SRGAP1: variants seen among roughly 807,000 people sequenced by gnomAD.
The protein encoded by SRGAP1 is SLIT-ROBO Rho GTPase activating protein 1, also known as SLIT-ROBO Rho GTPase-activating protein 1.
In SRGAP1, 43 loss-of-function variants were observed where a neutral mutation model predicts 121.9. The ratio of observed to expected loss-of-function variants is 0.35; its 90% confidence interval spans 0.28 to 0.46. The LOEUF (loss-of-function observed/expected upper bound fraction) is 0.46. SRGAP1 is among the 20% of genes least tolerant of loss of function. SRGAP1 has a pLI of 1.00. For synonymous variants in SRGAP1, 447 were observed against 485.4 expected, an observed-to-expected ratio of 0.92 and a Z score of 1.04; for missense variants, 1,102 against 1,350.9, an observed-to-expected ratio of 0.82 and a Z score of 2.89.
At chr12:64,002,607 A>C (rs2033935232) in intron 3 of SRGAP1, among the ~76,000 whole-genome samples, 1 of 152,210 alleles carries the variant, frequency 6.6e-6, no homozygotes. Context: ...AATGGGACTA[A>C]TCCTAGACAG....
At chr12:64,142,184 G>T in intron 21 of SRGAP1, 111 bp from the exon 22 acceptor site, 1 of 1,080,872 alleles carries the variant, frequency 9.3e-7, no homozygotes, top group Non-Finnish European at 1.3e-6. Context: ...TGGAGTCAAA[G>T]ATATCCATAC....
At chr12:64,124,161 C>G (rs2036651477) in intron 18 of SRGAP1, among the ~76,000 whole-genome samples, 1 of 152,122 alleles carries the variant, frequency 6.6e-6, no homozygotes. Context: ...AAGGTGAAGC[C>G]TAAGCTTTTT....
chr12:63,869,690 T>A (rs1208467822), intron 1 of SRGAP1, among the ~76,000 whole-genome samples: 1 of 152,240 alleles, frequency 6.6e-6, no homozygotes, highest in Non-Finnish European at 1.5e-5. Context: ...AAGCTTGGGT[T>A]TATGCTGATA....
rs757146054 is a variant in SRGAP1, at chr12:64,043,498, G to A, written c.724G>A (p.Glu242Lys). Reference protein sequence around the residue: ...NKLKSIKARNEYLLTLEATNA... With the variant: ...NKLKSIKARNKYLLTLEATNA... ...GCTAAAATCAATTAAGGCACGGAACGAATATCTCCTAACACTTGAAGCCAC... is the reference window on the plus strand; with the variant it reads ...GCTAAAATCAATTAAGGCACGGAACAAATATCTCCTAACACTTGAAGCCAC... The change falls in exon 6 of 22, where the codon GAA (glutamate) becomes AAA (lysine). Residue 242 changes from glutamate to lysine, a missense_variant. Physicochemically the swap from Glu to Lys is moderately conservative, Grantham distance 56. Coordinates refer to ENST00000355086, the MANE Select transcript of SRGAP1 (RefSeq NM_020762.4). 35 of 1,612,228 alleles carry A rather than the reference G, an allele frequency of 2.2e-5. No individual in the cohort carries two copies. Among genetic ancestry groups the A allele is most frequent in the Non-Finnish European group, 2.8e-5 (33 of 1,179,104 alleles).
At position 64,063,946 on chromosome 12, in the gene SRGAP1, T is replaced by A. The variant is rs116416221; in HGVS notation, c.1023+808T>A. On this transcript the variant is annotated intron_variant, in intron 7 of 21. Coordinates refer to ENST00000355086, the MANE Select transcript of SRGAP1 (RefSeq NM_020762.4). Reference sequence around the variant, plus strand: ...ATATATACATGTTTTTATATATATTTTATATATATATACACATATAATGTA... The same window carrying A: ...ATATATACATGTTTTTATATATATTATATATATATATACACATATAATGTA... Among the ~76,000 whole-genome samples, 1,513 of 151,314 alleles carry A rather than the reference T, an allele frequency of 1.0e-2. 27 individuals carry two copies. The highest frequency in any genetic ancestry group is 0.034 in the African/African-American group (1,419 of 41,346).
At position 64,043,428 on chromosome 12, in the gene SRGAP1, T is replaced by G; in HGVS notation, c.673-19T>G. The G allele has an allele frequency of 1.2e-6, 2 of 1,601,996 alleles. No individual in the cohort carries two copies. Among genetic ancestry groups the G allele is most frequent in the South Asian group, 2.3e-5 (2 of 88,090 alleles). Reference sequence around the variant, plus strand: ...TGACTTTGCATTCTTTCCCAATGCCTGGATCTTCTTCATTCCAGAGACAAG... The same window carrying G: ...TGACTTTGCATTCTTTCCCAATGCCGGGATCTTCTTCATTCCAGAGACAAG... On this transcript the variant is annotated intron_variant, in intron 5 of 21. Transcript: ENST00000355086.
chr12:63,913,796 C>A (rs1034046587), intron 1 of SRGAP1, among the ~76,000 whole-genome samples: 1 of 151,776 alleles, frequency 6.6e-6, no homozygotes, highest in African/African-American at 2.4e-5. Flanking sequence ...AGCAATTTAA[C>A]AAAGTAATTT....
intron 1 of SRGAP1, among the ~76,000 whole-genome samples, chr12:63,953,815 A>C (rs968182472): frequency 6.6e-6 from 1 of 152,124 alleles, no homozygotes; most frequent in Non-Finnish European, 1.5e-5. Context: ...ATAACATGGA[A>C]CTGGTTCATG....
At chr12:63,923,267 C>T (rs2031135840) in intron 1 of SRGAP1, among the ~76,000 whole-genome samples, 1 of 152,182 alleles carries the variant, frequency 6.6e-6, no homozygotes, top group African/African-American at 2.4e-5. Flanking sequence ...CTCCCTCTTG[C>T]TCCCAGCCTT....
At chr12:64,069,009 C>CAAA (rs59679383) in intron 8 of SRGAP1, among the ~76,000 whole-genome samples, 3 of 141,180 alleles carry the variant, frequency 2.1e-5, no homozygotes, top group Admixed American at 2.1e-4. Context: ...GACTCTGTCT[C>CAAA]AAAAAAAAAA....
At chr12:64,120,127 T>A (rs1166853596) in intron 18 of SRGAP1, among the ~76,000 whole-genome samples, 1 of 152,144 alleles carries the variant, frequency 6.6e-6, no homozygotes. Context: ...ATCTGCTGCT[T>A]GATCATTTTT....
In SRGAP1 at chr12:64,128,042, G is replaced by C; in HGVS notation, c.2722G>C (p.Glu908Gln). Residue 908 changes from glutamate to glutamine, a missense_variant, in exon 21 of 22, where the codon GAG becomes CAG. Physicochemically the swap from Glu to Gln is conservative, Grantham distance 29. This residue lies in a region of SRGAP1 where 315 missense variants were observed against 343.1 expected (regional missense o/e 0.92). Coordinates refer to ENST00000355086, the MANE Select transcript of SRGAP1 (RefSeq NM_020762.4). ...QNRGLNNDSP[E>Q]RRRRPGHGSL... The stretch of plus-strand genomic sequence containing the variant: ...CCGTGGCCTCAACAATGACAGTCCT[G>C]AGCGGAGGCGCAGGCCTGGCCATGG... The C allele has an allele frequency of 6.2e-7, 1 of 1,614,152 alleles. No individual in the cohort carries two copies. Among genetic ancestry groups the C allele is most frequent in the Non-Finnish European group, 8.5e-7 (1 of 1,180,024 alleles).
chr12:63,879,300 C>G (rs934884632), intron 1 of SRGAP1: 14 of 152,286 alleles, frequency 9.2e-5, no homozygotes, highest in Non-Finnish European at 1.6e-4. Flanking sequence ...CAAGTGTGAG[C>G]TTCCTCACCC....
chr12:64,111,639 G>A, intron 16 of SRGAP1, 123 bp from the exon 17 acceptor site: 1 of 796,582 alleles, frequency 1.3e-6, no homozygotes, highest in Non-Finnish European at 1.9e-6. Context: ...TTTCTTTGGA[G>A]TTTGCTGAGC....
intron 3 of SRGAP1, among the ~76,000 whole-genome samples, chr12:63,998,048 C>T (rs1357925365): frequency 2.0e-5 from 3 of 152,168 alleles, no homozygotes; most frequent in Non-Finnish European, 2.9e-5. Context: ...TACATCCCCA[C>T]CTCCCTTCCC....
chr12:63,957,111 G>A (rs1429469085), intron 1 of SRGAP1, among the ~76,000 whole-genome samples: 2 of 152,142 alleles, frequency 1.3e-5, no homozygotes, highest in African/African-American at 2.4e-5. Context: ...ATTTATCCAT[G>A]CATCAGTTGA....
At chr12:64,039,628 C>CGTGTGTGTGTGTGTGTGTGTGTGT (rs6144742) in intron 4 of SRGAP1, among the ~76,000 whole-genome samples, 2,798 of 130,818 alleles carry the variant, frequency 0.021, 163 homozygotes, top group Middle Eastern at 0.045. Context: ...AGCTGAGCAA[C>CGTGTGTGTGTGTGTGTGTGTGTGT]GTGTGTGTGT....
At chr12:63,976,158 T>A (rs2136398069) in intron 1 of SRGAP1, among the ~76,000 whole-genome samples, 1 of 152,344 alleles carries the variant, frequency 6.6e-6, no homozygotes, top group African/African-American at 2.4e-5. Context: ...CAGGTATTTT[T>A]AGTAAGGACG....
chr12:64,068,265 T>C, intron 8 of SRGAP1, among the ~76,000 whole-genome samples: 1 of 108,504 alleles, frequency 9.2e-6, no homozygotes, highest in South Asian at 3.3e-4. Context: ...AGAGCAAAAC[T>C]CTGTCTCAAA....
Sources: allele counts gnomAD v4.1 joint callset (sites outside exome capture counted in the v4.1 genomes callset), GRCh38; gene constraint gnomAD v4.1.1; regional missense constraint gnomAD v4.1.1; transcripts MANE v1.5; gene names NCBI Gene and HGNC (gene_info 2026-07-23, HGNC 2026-07-21).